The following AFG2A variants were observed in gnomAD, a reference collection of about 807,000 sequenced individuals.
AFG2A encodes the protein AAA ATPase AFG2A.
At chr4:123,074,906 A>G in the AFG2A span, among the ~76,000 whole-genome samples, 6 of 152,124 alleles carry the variant, frequency 3.9e-5, no homozygotes, top group Non-Finnish European at 5.9e-5. Flanking sequence ...GCTTTTGTTG[A>G]TAACATGGTA....
the AFG2A span, among the ~76,000 whole-genome samples, chr4:123,015,758 C>T: frequency 2.7e-5 from 4 of 148,842 alleles, no homozygotes; most frequent in African/African-American, 4.9e-5. Flanking sequence ...CCAGTAGGGG[C>T]GGCCGGGCAG....
At chr4:123,090,251 C>T in the AFG2A span, among the ~76,000 whole-genome samples, 1 of 152,136 alleles carries the variant, frequency 6.6e-6, no homozygotes, top group African/African-American at 2.4e-5. Context: ...AGAATATAAA[C>T]ATTGATTGAA....
the AFG2A span, among the ~76,000 whole-genome samples, chr4:123,123,172 A>G: frequency 6.6e-6 from 1 of 152,192 alleles, no homozygotes; most frequent in Admixed American, 6.5e-5. Context: ...AGCATAAAAC[A>G]ATGGTTGGAG....
chr4:123,092,677 CAG>C, the AFG2A span, among the ~76,000 whole-genome samples: 9 of 152,216 alleles, frequency 5.9e-5, no homozygotes, highest in African/African-American at 2.2e-4. Context: ...ACTGAAAACA[CAG>C]TGTTGGCTAG....
the AFG2A span, among the ~76,000 whole-genome samples, chr4:123,063,607 G>T: frequency 2.0e-5 from 3 of 152,038 alleles, no homozygotes; most frequent in Non-Finnish European, 4.4e-5. Context: ...TTAGCTGGGC[G>T]TGGTGGCAGA....
the AFG2A span, among the ~76,000 whole-genome samples, chr4:123,153,002 A>G: frequency 6.6e-6 from 1 of 152,236 alleles, no homozygotes; most frequent in Non-Finnish European, 1.5e-5. Flanking sequence ...TATCTTCCCA[A>G]TAACAACCAC....
the AFG2A span, among the ~76,000 whole-genome samples, chr4:123,061,566 G>A: frequency 6.6e-6 from 1 of 152,050 alleles, no homozygotes; most frequent in African/African-American, 2.4e-5. Flanking sequence ...AACAGTGTGG[G>A]GGAAACCACC....
chr4:123,196,244 C>T, the AFG2A span, among the ~76,000 whole-genome samples: 802 of 144,124 alleles, frequency 5.6e-3, 9 homozygotes, highest in South Asian at 9.5e-3. Flanking sequence ...ATCCTGACCT[C>T]GTGATCCGCC....
chr4:123,008,679 G>T, the AFG2A span, among the ~76,000 whole-genome samples: 675 of 152,204 alleles, frequency 4.4e-3, 4 homozygotes, highest in Non-Finnish European at 5.1e-3. Flanking sequence ...TATTAAGAAT[G>T]AAATTTCTTC....
the AFG2A span, among the ~76,000 whole-genome samples, chr4:123,135,616 T>A: frequency 7.2e-5 from 11 of 152,220 alleles, no homozygotes; most frequent in African/African-American, 2.2e-4. Context: ...GACTTTTTTC[T>A]TGTCACTCTT....
At chr4:123,178,746 ATATAT>A in the AFG2A span, among the ~76,000 whole-genome samples, 1 of 152,228 alleles carries the variant, frequency 6.6e-6, no homozygotes, top group South Asian at 2.1e-4. Flanking sequence ...TTCCTAAAAA[ATATAT>A]TAAGAATGTT....
the AFG2A span, among the ~76,000 whole-genome samples, chr4:123,080,984 G>A: frequency 1.3e-5 from 2 of 150,932 alleles, no homozygotes; most frequent in African/African-American, 4.9e-5. Flanking sequence ...CACCAACATT[G>A]AGTGGAAAGT....
the AFG2A span, chr4:122,947,609 T>C: frequency 8.0e-7 from 1 of 1,247,412 alleles, no homozygotes; most frequent in South Asian, 2.3e-5. Flanking sequence ...AATTATAAAA[T>C]GTGTAATTTT....
At chr4:123,003,344 G>T in the AFG2A span, among the ~76,000 whole-genome samples, 2 of 152,196 alleles carry the variant, frequency 1.3e-5, no homozygotes, top group Non-Finnish European at 2.9e-5. Flanking sequence ...TCTGTTGCTG[G>T]TGAGGAGCTG....
chr4:123,041,370 C>T, the AFG2A span, among the ~76,000 whole-genome samples: 2 of 151,452 alleles, frequency 1.3e-5, no homozygotes, highest in Non-Finnish European at 2.9e-5. Flanking sequence ...ATCCACCCAC[C>T]TCGGCCTCCC....
chr4:123,014,444 A>G, the AFG2A span, among the ~76,000 whole-genome samples: 1 of 152,016 alleles, frequency 6.6e-6, no homozygotes, highest in Non-Finnish European at 1.5e-5. Flanking sequence ...GTAGTTTTTT[A>G]AAAGCTCATT....
At chr4:123,251,308 C>G in the AFG2A span, among the ~76,000 whole-genome samples, 1 of 152,122 alleles carries the variant, frequency 6.6e-6, no homozygotes, top group Non-Finnish European at 1.5e-5. Flanking sequence ...GCAAGTAAAT[C>G]AATCTGGCAT....
At chr4:122,999,161 T>TTGTG in the AFG2A span, among the ~76,000 whole-genome samples, 2 of 133,334 alleles carry the variant, frequency 1.5e-5, no homozygotes, top group African/African-American at 5.4e-5. Flanking sequence ...ATGGGGTTGT[T>TTGTG]TTTTTCTTGT....
At chr4:123,137,866 C>G in the AFG2A span, among the ~76,000 whole-genome samples, 2 of 152,108 alleles carry the variant, frequency 1.3e-5, no homozygotes, top group Admixed American at 6.5e-5. Flanking sequence ...CTAGCAATTA[C>G]AATATTCACA....
Sources: allele counts gnomAD v4.1 joint callset (sites outside exome capture counted in the v4.1 genomes callset), GRCh38; gene constraint gnomAD v4.1.1; transcripts MANE v1.5; gene names NCBI Gene and HGNC (gene_info 2026-07-23, HGNC 2026-07-21).